TDG: variants seen among roughly 807,000 people sequenced by gnomAD.
TDG encodes G/T mismatch-specific thymine DNA glycosylase.
Under a neutral mutation model 46.1 loss-of-function variants are expected in TDG, and 23 were observed. That is an observed-to-expected ratio of 0.50 (90% CI 0.36 to 0.71). The LOEUF (loss-of-function observed/expected upper bound fraction) is 0.71. TDG is among the 30% of genes least tolerant of loss of function. The probability of loss-of-function intolerance (pLI) is 0.00; values close to 1 mark genes in which losing one functional copy is unlikely to be tolerated. For missense variants in TDG, 304 were observed against 486.7 expected (o/e 0.62, Z 3.53); for synonymous variants, 115 against 161.3 (o/e 0.71, Z 2.18).
In TDG at chr12:103,965,991, C is replaced by A; in HGVS notation, c.-47C>A. ...CACGCGGTACTACAGAGACCGGCTG[C>A]CCGTGTGCCCGGCAGGTGGAGCCGC... On this transcript the variant is annotated 5_prime_UTR_variant, in exon 1 of 10. Transcript: ENST00000392872. 3 of 1,583,882 alleles carry A rather than the reference C, an allele frequency of 1.9e-6. No homozygotes were observed.
At chr12:103,985,069 A>C in intron 8 of TDG, 149 bp downstream of exon 8, 1 of 404,088 alleles carries the variant, frequency 2.5e-6, no homozygotes, top group Non-Finnish European at 4.1e-6. Context: ...ACATGTGTAT[A>C]TATACATATA....
intron 4 of TDG, among the ~76,000 whole-genome samples, chr12:103,981,392 C>T (rs188605206): frequency 3.2e-4 from 48 of 151,870 alleles, no homozygotes; most frequent in African/African-American, 1.0e-3. Flanking sequence ...TGTACCACCA[C>T]GCCTGGTTAA....
At chr12:103,966,844 A>G (rs766231273) in intron 1 of TDG, among the ~76,000 whole-genome samples, 40 of 152,216 alleles carry the variant, frequency 2.6e-4, no homozygotes, top group Non-Finnish European at 5.4e-4. Context: ...TCAGTGGCTA[A>G]TGGGAGCTGA....
At chr12:103,980,747 G>A (rs1175663801) in intron 3 of TDG, 146 bp from the exon 4 acceptor site, 13 of 631,280 alleles carry the variant, frequency 2.1e-5, no homozygotes, top group Non-Finnish European at 5.6e-6. Context: ...CAGATCAAGA[G>A]TAGTAATTGA....
chr12:103,971,412 A>C (rs1871277920), intron 1 of TDG, among the ~76,000 whole-genome samples: 1 of 152,018 alleles, frequency 6.6e-6, no homozygotes, highest in Non-Finnish European at 1.5e-5. Context: ...AAATACAAAA[A>C]TTAGCCCGGT....
intron 7 of TDG, among the ~76,000 whole-genome samples, chr12:103,984,294 T>C (rs1035888575): frequency 6.6e-6 from 1 of 152,136 alleles, no homozygotes; most frequent in Non-Finnish European, 1.5e-5. Context: ...TGTCATTCTC[T>C]GTTACATGCC....
chr12:103,976,923 C>A lies in TDG; in HGVS notation c.29C>A (p.Ser10Tyr). Residue 10 changes from serine to tyrosine, a missense_variant, in exon 2 of 10, where the codon TCC (serine) becomes TAC (tyrosine). Physicochemically the swap from Ser to Tyr is moderately radical, Grantham distance 144. Transcript: ENST00000392872. MEAENAGSY[S>Y]LQQAQAFYTF... is the part of the protein sequence containing the mutation. ...ATGCTTCATTATTCTTTCAGCTATT[C>A]CCTTCAGCAAGCTCAAGCTTTTTAT... 1 of 1,613,546 alleles carries A rather than the reference C, an allele frequency of 6.2e-7. No individual in the cohort carries two copies.
Position 103,986,945 on chromosome 12 carries a change from C to T in TDG, c.1091-3C>T, listed in dbSNP as rs751930856. ...AACTAACTTTGTTTTTCTTTTCTGG[C>T]AGTTGAGAGCGTGGAGTTAAGAGGA... On this transcript the variant is annotated splice_polypyrimidine_tract_variant and splice_region_variant and intron_variant, in intron 9 of 9. Transcript: ENST00000392872. The T allele has an allele frequency of 1.3e-5, 9 of 692,244 alleles. No individual in the cohort carries two copies. Among genetic ancestry groups the T allele is most frequent in the Middle Eastern group, 3.3e-4 (1 of 3,060 alleles). 42.9% of individuals were successfully genotyped at this position (692,244 alleles called of 1,614,324 possible).
At chr12:103,984,210 C>T (rs1044265929) in intron 7 of TDG, among the ~76,000 whole-genome samples, 1 of 152,024 alleles carries the variant, frequency 6.6e-6, no homozygotes, top group Admixed American at 6.6e-5. Context: ...AAAGGCCCAC[C>T]TTTGTCTGCT....
chr12:103,979,105 C>CTTTTTTTTTTTTT (rs1328105259), intron 2 of TDG, among the ~76,000 whole-genome samples: 2 of 26,062 alleles, frequency 7.7e-5, no homozygotes, highest in Non-Finnish European at 7.1e-5. Flanking sequence ...TTTCTTTTTT[C>CTTTTTTTTTTTTT]TTTCTTTTTT....
chr12:103,979,649 C>T (rs141147898), intron 2 of TDG, among the ~76,000 whole-genome samples, 182 bp from the exon 3 acceptor site: 1 of 152,076 alleles, frequency 6.6e-6, no homozygotes, highest in Non-Finnish European at 1.5e-5. Context: ...GGGGGTTGCA[C>T]GAACCCAGTT....
chr12:103,971,094 T>C (rs1000077395), intron 1 of TDG, among the ~76,000 whole-genome samples: 1 of 152,214 alleles, frequency 6.6e-6, no homozygotes, highest in African/African-American at 2.4e-5. Context: ...ATACAAATAC[T>C]ATGCCATTTT....
chr12:103,982,760 G>A, intron 4 of TDG, 39 bp from the exon 5 acceptor site: 1 of 1,607,548 alleles, frequency 6.2e-7, no homozygotes, highest in Non-Finnish European at 8.5e-7. Context: ...GCGAGACCCT[G>A]TCTAAAAAAA....
chr12:103,986,994 T>G lies in TDG; in HGVS notation c.1137T>G (p.Pro379=). The G allele has an allele frequency of 6.2e-7, 1 of 1,614,274 alleles. No homozygotes were observed. Among genetic ancestry groups the G allele is most frequent in the Non-Finnish European group, 8.5e-7 (1 of 1,180,042 alleles). The change falls in exon 10 of 10, where the codon CCT becomes CCG. Residue 379 remains proline (P), a synonymous_variant. Transcript: ENST00000392872. The stretch of plus-strand genomic sequence containing the variant: ...GAGAATCAGCTTTCAGTGGCATTCC[T>G]AATGGGCAGTGGATGACCCAGTCAT... ...LRGESAFSGI[P]NGQWMTQSFT... is the part of the protein sequence containing the mutation.
intron 1 of TDG, among the ~76,000 whole-genome samples, chr12:103,973,378 C>T (rs1254032137): frequency 1.3e-5 from 2 of 152,200 alleles, no homozygotes; most frequent in African/African-American, 2.4e-5. Flanking sequence ...AGCCACTGCA[C>T]CCAGCCACAT....
intron 1 of TDG, among the ~76,000 whole-genome samples, chr12:103,971,031 T>C (rs969921982): frequency 2.6e-5 from 4 of 152,200 alleles, no homozygotes; most frequent in East Asian, 3.8e-4. Context: ...TATTAGGTAT[T>C]ATAAATAATG....
chr12:103,969,256 C>A (rs1871188474), intron 1 of TDG, among the ~76,000 whole-genome samples: 1 of 152,216 alleles, frequency 6.6e-6, no homozygotes, highest in Non-Finnish European at 1.5e-5. Context: ...GCCCACAGAG[C>A]TAGTAAATGG....
chr12:103,969,604 T>A (rs997214471), intron 1 of TDG, among the ~76,000 whole-genome samples: 1 of 152,252 alleles, frequency 6.6e-6, no homozygotes, highest in Non-Finnish European at 1.5e-5. Context: ...AAATCCTGAC[T>A]GACTGGAATG....
intron 4 of TDG, 51 bp from the exon 5 acceptor site, chr12:103,982,748 G>A: frequency 6.3e-7 from 1 of 1,592,394 alleles, no homozygotes; most frequent in East Asian, 2.2e-5. Flanking sequence ...CTGGGTGACA[G>A]AGCGAGACCC....
Sources: allele counts gnomAD v4.1 joint callset (sites outside exome capture counted in the v4.1 genomes callset), GRCh38; gene constraint gnomAD v4.1.1; transcripts MANE v1.5; gene names NCBI Gene and HGNC (gene_info 2026-07-23, HGNC 2026-07-21).